The following DAB1 variants were observed in gnomAD, a reference collection of about 807,000 sequenced individuals.
DAB1 encodes disabled homolog 1.
DAB1 carries 15 observed loss-of-function variants against 64.6 expected under a neutral mutation model. The ratio of observed to expected loss-of-function variants is 0.23; its 90% confidence interval spans 0.16 to 0.36. The LOEUF is 0.36. Ranked by LOEUF, DAB1 falls within the 10% of genes least tolerant of loss-of-function variation. The pLI, the probability that DAB1 is intolerant of heterozygous loss-of-function variation, is 1.00. For missense variants in DAB1, 596 were observed against 706.7 expected (o/e 0.84, Z 1.78); for synonymous variants, 235 against 251.9 (o/e 0.93, Z 0.64).
chr1:57,846,231 G>A (rs541990329), intron 1 of DAB1, among the ~76,000 whole-genome samples: 7 of 152,056 alleles, frequency 4.6e-5, no homozygotes, highest in Admixed American at 1.3e-4. Flanking sequence ...AGGCCGAGGT[G>A]GGCAGATCAC....
chr1:57,049,630 C>T (rs1648968593), intron 9 of DAB1, among the ~76,000 whole-genome samples: 1 of 152,022 alleles, frequency 6.6e-6, no homozygotes, highest in African/African-American at 2.4e-5. Flanking sequence ...CCCAGTCATA[C>T]ACTCAAACTC....
intron 1 of DAB1, among the ~76,000 whole-genome samples, chr1:57,871,760 T>C (rs1643954037): frequency 6.6e-6 from 1 of 152,184 alleles, no homozygotes; most frequent in African/African-American, 2.4e-5. Context: ...TATAGAATCC[T>C]TCTGTGGTTT....
At chr1:57,439,433 T>TTTTTTTTTTTTTTTTTTTTTTTTTTTG (rs1296787826) in intron 7 of DAB1, among the ~76,000 whole-genome samples, 1 of 131,926 alleles carries the variant, frequency 7.6e-6, no homozygotes, top group Non-Finnish European at 1.6e-5. Context: ...TTCTTTTTTT[T>TTTTTTTTTTTTTTTTTTTTTTTTTTTG]TTTTTTTTTT....
intron 5 of DAB1, among the ~76,000 whole-genome samples, chr1:58,038,527 A>G (rs772614875): frequency 6.6e-6 from 1 of 152,230 alleles, no homozygotes; most frequent in Non-Finnish European, 1.5e-5. Flanking sequence ...GCACTCAGCC[A>G]TGACCGTGGT....
At chr1:57,323,775 G>GTTAA (rs1253878926) in intron 1 of DAB1, among the ~76,000 whole-genome samples, 2 of 152,104 alleles carry the variant, frequency 1.3e-5, no homozygotes, top group Non-Finnish European at 2.9e-5. Context: ...CCGGTAAGGA[G>GTTAA]TTAAAGTTAT....
At chr1:57,501,948 T>C (rs1192963614) in intron 7 of DAB1, among the ~76,000 whole-genome samples, 1 of 152,096 alleles carries the variant, frequency 6.6e-6, no homozygotes, top group Admixed American at 6.5e-5. Flanking sequence ...TCATCGCCTA[T>C]ATGTATACTA....
At chr1:57,519,440 C>A (rs575187984) in intron 7 of DAB1, among the ~76,000 whole-genome samples, 9 of 152,290 alleles carry the variant, frequency 5.9e-5, no homozygotes, top group African/African-American at 2.2e-4. Flanking sequence ...ATAATTCCCT[C>A]ATCCGATTCT....
chr1:58,277,826 C>T (rs1661485937), intron 4 of DAB1, among the ~76,000 whole-genome samples: 2 of 152,146 alleles, frequency 1.3e-5, no homozygotes, highest in African/African-American at 2.4e-5. Flanking sequence ...TCCTGTGAGC[C>T]GCCAGAGCAG....
intron 4 of DAB1, among the ~76,000 whole-genome samples, chr1:58,268,690 T>C (rs1332191626): frequency 6.6e-6 from 1 of 152,210 alleles, no homozygotes; most frequent in Non-Finnish European, 1.5e-5. Context: ...ATGTAAATAC[T>C]GCCCAGAGCA....
chr1:58,043,504 T>C (rs955102612), intron 5 of DAB1, among the ~76,000 whole-genome samples: 14 of 152,204 alleles, frequency 9.2e-5, no homozygotes, highest in African/African-American at 3.1e-4. Context: ...TTTTTCAATC[T>C]GATCCATCTG....
At chr1:58,473,592 C>A (rs1645388391) in intron 3 of DAB1, among the ~76,000 whole-genome samples, 1 of 142,162 alleles carries the variant, frequency 7.0e-6, no homozygotes, top group East Asian at 2.0e-4. Flanking sequence ...AAATAAATAA[C>A]ATGGGACAAT....
At chr1:58,310,019 T>C (rs763411508) in intron 4 of DAB1, among the ~76,000 whole-genome samples, 1 of 152,192 alleles carries the variant, frequency 6.6e-6, no homozygotes, top group Non-Finnish European at 1.5e-5. Context: ...AATGTGCTTT[T>C]TCCCCCAGGA....
rs34105483 is a variant in DAB1 at position 57,641,379 on chromosome 1, G to GTTTTTTTT, written n.625+8205_625+8212dup. ...GCCCAGTTCCCTCTTTTTTTTGTTG[G>GTTTTTTTT]TTTTTTTTTTTTTTTTTTTTTTGAG... On this transcript the variant is annotated intron_variant and non_coding_transcript_variant, in intron 7 of 20. Transcript: ENST00000485760. Among the ~76,000 whole-genome samples the GTTTTTTTT allele has an allele frequency of 5.5e-4, 60 of 109,986 alleles. 2 individuals are homozygous for GTTTTTTTT. Among genetic ancestry groups the GTTTTTTTT allele is most frequent in the South Asian group, 9.1e-4 (3 of 3,304 alleles). The allele number at this position is 109,986 out of a possible 152,430, so 72.2% of individuals were successfully genotyped here. A position where few individuals can be genotyped will look rare whatever the true frequency, so the allele number is the denominator to read the frequency against.
chr1:57,092,996 T>C (rs1653834194), intron 4 of DAB1, among the ~76,000 whole-genome samples: 1 of 152,146 alleles, frequency 6.6e-6, no homozygotes, highest in South Asian at 2.1e-4. Flanking sequence ...TTTACTCATG[T>C]CATTCCCAGA....
intron 8 of DAB1, among the ~76,000 whole-genome samples, chr1:57,066,994 T>G (rs991682668): frequency 6.8e-6 from 1 of 146,836 alleles, no homozygotes; most frequent in African/African-American, 2.5e-5. Context: ...GAAATAGCTA[T>G]GGAACACTTA....
At chr1:57,598,783 G>A (rs6697033) in intron 7 of DAB1, among the ~76,000 whole-genome samples, 65,887 of 151,944 alleles carry the variant, frequency 0.43, 16,271 homozygotes, top group Non-Finnish European at 0.55. Context: ...AATCAAGATC[G>A]AGTGGCCAGT....
Position 58,425,418 on chromosome 1 carries a change from C to A in DAB1, n.257+80642G>T, listed in dbSNP as rs1463170303. On this transcript the variant is annotated intron_variant and non_coding_transcript_variant, in intron 3 of 20. Transcript: ENST00000485760. The stretch of plus-strand genomic sequence containing the variant: ...CTAGCTTTGTGTGCCAGTGCCTTCT[C>A]TTAGTATTTGCCTAAGCTAGCCCAT... 6.6e-5 allele frequency among the ~76,000 whole-genome samples: 10 copies of A among 152,218 alleles called. No homozygotes were observed. The East Asian group carries it at 1.9e-3, about 29-fold the overall frequency.
chr1:57,700,197 T>C (rs536364267), intron 6 of DAB1, among the ~76,000 whole-genome samples: 1 of 152,300 alleles, frequency 6.6e-6, no homozygotes, highest in African/African-American at 2.4e-5. Flanking sequence ...TTTTCTTTGT[T>C]TCTCTCTTGG....
chr1:57,625,373 G>A (rs568212363), intron 7 of DAB1, among the ~76,000 whole-genome samples: 43 of 151,720 alleles, frequency 2.8e-4, no homozygotes, highest in Admixed American at 2.5e-3. Context: ...CTCACTCACC[G>A]CGTCTATAGG....
Sources: allele counts gnomAD v4.1 joint callset (sites outside exome capture counted in the v4.1 genomes callset), GRCh38; gene constraint gnomAD v4.1.1; transcripts MANE v1.5; gene names NCBI Gene and HGNC (gene_info 2026-07-23, HGNC 2026-07-21).